Variants in ZC3H13 observed in about 807,000 individuals in gnomAD.
ZC3H13 encodes the protein zinc finger CCCH domain-containing protein 13.
Under a neutral mutation model 204.1 loss-of-function variants are expected in ZC3H13, and 64 were observed. The ratio of observed to expected loss-of-function variants is 0.31; its 90% CI spans 0.26 to 0.39. The LOEUF is 0.39. Ranked by LOEUF, ZC3H13 falls within the 10% of genes least tolerant of loss-of-function variation. ZC3H13 has a pLI of 1.00. For missense variants in ZC3H13, 1,833 were observed against 2,082.7 expected (o/e 0.88, Z 2.33); for synonymous variants, 667 against 693.7 (o/e 0.96, Z 0.60).
rs1419064690 is a variant in ZC3H13 at position 46,011,573 on chromosome 13, T to C, written c.449-19A>G. The C allele has an allele frequency of 6.5e-7, 1 of 1,539,222 alleles. No individual in the cohort carries two copies. The highest frequency in any genetic ancestry group is 8.7e-7 in the Non-Finnish European group (1 of 1,144,048). ...TCAGAATCTTTAAAATAAAATTGCA[T>C]TACTGTTAGAAACTAGCATAATTAT... On this transcript the variant is annotated intron_variant, in intron 5 of 18. Transcript: ENST00000679008.
At chr13:45,966,629 A>T (rs1952109842) in intron 15 of ZC3H13, among the ~76,000 whole-genome samples, 1 of 152,166 alleles carries the variant, frequency 6.6e-6, no homozygotes, top group Non-Finnish European at 1.5e-5. Context: ...ATAATGATTA[A>T]TTCAATTATA....
intron 4 of ZC3H13, among the ~76,000 whole-genome samples, chr13:46,033,723 T>C (rs1173278859): frequency 6.6e-6 from 1 of 152,076 alleles, no homozygotes; most frequent in Non-Finnish European, 1.5e-5. Context: ...ATTCCACATA[T>C]ATAGTATGAA....
chr13:45,980,584 T>C (rs911834647), intron 10 of ZC3H13, among the ~76,000 whole-genome samples: 3 of 152,214 alleles, frequency 2.0e-5, no homozygotes, highest in Non-Finnish European at 4.4e-5. Flanking sequence ...TGGAATACTA[T>C]TCGGCAATAA....
Position 45,963,183 on chromosome 13 carries a change from AGCCAGTAAGTG to A in ZC3H13, c.4675+648_4675+658del, listed in dbSNP as rs1330688448. On this transcript the variant is annotated intron_variant, in intron 17 of 18. Coordinates refer to ENST00000679008, the MANE Select transcript of ZC3H13 (RefSeq NM_001330564.2). ...GACACTAACACACAGATTAAGTAAT[AGCCAGTAAGTG>A]GTGTGCCTACTGAAATCCAGATCAT... 5 of 971,772 alleles carry A rather than the reference AGCCAGTAAGTG, an allele frequency of 5.1e-6. No individual in the cohort carries two copies. In the African/African-American group the frequency reaches 8.8e-5, roughly 17 times the overall value. 60.2% of individuals were successfully genotyped at this position (971,772 alleles called of 1,614,324 possible).
intron 17 of ZC3H13, chr13:45,962,297 G>A (rs1951747742): frequency 2.0e-6 from 2 of 985,358 alleles, no homozygotes; most frequent in Non-Finnish European, 2.4e-6. Context: ...ACCCTTTACA[G>A]TGCATATTTT....
intron 12 of ZC3H13, among the ~76,000 whole-genome samples, chr13:45,970,922 C>T (rs898533010): frequency 2.0e-5 from 3 of 152,116 alleles, no homozygotes; most frequent in Admixed American, 6.5e-5. Context: ...TTAGTTATTA[C>T]GCAGCCTTAA....
chr13:45,964,310 A>G (rs1477038424), intron 16 of ZC3H13, among the ~76,000 whole-genome samples: 1 of 152,234 alleles, frequency 6.6e-6, no homozygotes, highest in African/African-American at 2.4e-5. Flanking sequence ...GAGATCCCCA[A>G]TGAAAGAACT....
intron 4 of ZC3H13, among the ~76,000 whole-genome samples, chr13:46,026,428 G>C (rs2042548522): frequency 1.3e-5 from 2 of 151,742 alleles, no homozygotes; most frequent in South Asian, 4.2e-4. Context: ...AAATAAAGAA[G>C]AATCTTAAAA....
At chr13:46,036,776 T>A (rs1363930545) in intron 4 of ZC3H13, among the ~76,000 whole-genome samples, 1 of 152,184 alleles carries the variant, frequency 6.6e-6, no homozygotes, top group Non-Finnish European at 1.5e-5. Context: ...TCACCCAGGC[T>A]AGCATGATCT....
At chr13:46,025,799 A>G (rs1394455963) in intron 4 of ZC3H13, among the ~76,000 whole-genome samples, 1 of 152,110 alleles carries the variant, frequency 6.6e-6, no homozygotes, top group African/African-American at 2.4e-5. Context: ...AAAATTATTA[A>G]CAAGTGAAGC....
chr13:46,004,302 AGGAG>A (rs145108444), intron 7 of ZC3H13, among the ~76,000 whole-genome samples: 113,639 of 151,678 alleles, frequency 0.75, 43,056 homozygotes, highest in African/African-American at 0.85. Context: ...TGGGAGGCAG[AGGAG>A]GGAGGGGTGG....
chr13:46,050,789 A>G (rs1359039006), intron 1 of ZC3H13, among the ~76,000 whole-genome samples: 2 of 150,506 alleles, frequency 1.3e-5, no homozygotes, highest in Non-Finnish European at 3.0e-5. Flanking sequence ...GCAAAGCAAC[A>G]CTGCAGTACT....
intron 10 of ZC3H13, among the ~76,000 whole-genome samples, chr13:45,984,113 G>C (rs1953955610): frequency 6.6e-6 from 1 of 152,108 alleles, no homozygotes; most frequent in South Asian, 2.1e-4. Context: ...GAAAATAGCT[G>C]TTTACCACAA....
At chr13:46,041,273 C>T (rs1293167801) in intron 4 of ZC3H13, among the ~76,000 whole-genome samples, 1 of 151,790 alleles carries the variant, frequency 6.6e-6, no homozygotes, top group African/African-American at 2.4e-5. Context: ...CTGATGCATC[C>T]CATACTCTTT....
intron 10 of ZC3H13, among the ~76,000 whole-genome samples, chr13:45,983,413 A>ATATATATATATATATATATATATATATT (rs1555277663): frequency 6.4e-5 from 2 of 31,130 alleles, no homozygotes; most frequent in Non-Finnish European, 9.7e-5. Context: ...ATATATATAT[A>ATATATATATATATATATATATATATATT]TTTTTTTTTT....
chr13:45,971,444 G>A (rs964236148), intron 12 of ZC3H13, among the ~76,000 whole-genome samples: 3 of 152,086 alleles, frequency 2.0e-5, no homozygotes, highest in African/African-American at 4.8e-5. Context: ...AAATGGTGGT[G>A]GGAAAATTGG....
intron 17 of ZC3H13, among the ~76,000 whole-genome samples, chr13:45,960,584 T>C (rs1214637385): frequency 1.3e-5 from 2 of 151,798 alleles, no homozygotes; most frequent in African/African-American, 4.8e-5. Flanking sequence ...ACACTGAACA[T>C]ACAAAAAAAC....
chr13:46,037,801 CATT>C (rs1242730329), intron 4 of ZC3H13, among the ~76,000 whole-genome samples: 1 of 152,158 alleles, frequency 6.6e-6, no homozygotes, highest in Non-Finnish European at 1.5e-5. Context: ...ATACTGATAA[CATT>C]ATTTAACCCA....
intron 12 of ZC3H13, among the ~76,000 whole-genome samples, chr13:45,974,695 G>A (rs1260093876): frequency 6.6e-6 from 1 of 152,072 alleles, no homozygotes; most frequent in Non-Finnish European, 1.5e-5. Context: ...GTAGCCTGGG[G>A]GTAGTGACTC....
Sources: gnomAD v4.1 joint callset for allele counts (sites outside exome capture counted in the v4.1 genomes callset) on GRCh38, gnomAD v4.1.1 for gene constraint, MANE v1.5 for transcripts, NCBI Gene and HGNC (gene_info 2026-07-23, HGNC 2026-07-21) for gene names.